The following SUMF1 variants were observed in gnomAD, a reference collection of about 807,000 sequenced individuals.
SUMF1 encodes formylglycine-generating enzyme.
A neutral mutation model predicts 47.6 loss-of-function variants in SUMF1; 48 were observed. That is an observed-to-expected ratio of 1.01 (90% confidence interval 0.80 to 1.28). The LOEUF (loss-of-function observed/expected upper bound fraction) is 1.28. SUMF1 is among the 50% of genes most tolerant of loss of function. SUMF1 has a pLI of 0.00. For synonymous variants in SUMF1, 230 were observed against 192.1 expected (o/e 1.20, Z -1.63); for missense variants, 571 against 485.4 (o/e 1.18, Z -1.66).
intron 3 of SUMF1, among the ~76,000 whole-genome samples, chr3:4,428,359 CTT>C (rs58545153): frequency 2.0e-5 from 3 of 148,922 alleles, no homozygotes; most frequent in Non-Finnish European, 4.5e-5. Context: ...CTTCTTGTGC[CTT>C]TTTTTTTCTG....
At chr3:4,048,943 A>T (rs936841839) in intron 9 of SUMF1, among the ~76,000 whole-genome samples, 1 of 152,116 alleles carries the variant, frequency 6.6e-6, no homozygotes, top group African/African-American at 2.4e-5. Flanking sequence ...TACCATTTGA[A>T]ACTCTGTAAC....
chr3:4,440,916 T>C (rs1200435870), intron 3 of SUMF1, among the ~76,000 whole-genome samples: 1 of 152,218 alleles, frequency 6.6e-6, no homozygotes, highest in Non-Finnish European at 1.5e-5. Flanking sequence ...CGAGTCATAT[T>C]AATAACACAA....
chr3:4,262,469 C>CA (rs1394758638), intron 8 of SUMF1, among the ~76,000 whole-genome samples: 2 of 151,952 alleles, frequency 1.3e-5, no homozygotes, highest in Non-Finnish European at 2.9e-5. Flanking sequence ...TAGACAAAAC[C>CA]AAAAAATCCA....
intron 8 of SUMF1, among the ~76,000 whole-genome samples, chr3:4,339,910 C>T (rs1165986149): frequency 1.3e-5 from 2 of 152,130 alleles, no homozygotes; most frequent in African/African-American, 4.8e-5. Flanking sequence ...AACCCCACCT[C>T]TACAAAAAAT....
intron 8 of SUMF1, among the ~76,000 whole-genome samples, chr3:4,370,046 G>A (rs996470685): frequency 1.6e-4 from 25 of 152,296 alleles, no homozygotes; most frequent in African/African-American, 3.6e-4. Context: ...TAAATAAACC[G>A]ATACATTCAA....
intron 8 of SUMF1, among the ~76,000 whole-genome samples, chr3:4,334,610 C>G (rs1397869063): frequency 6.6e-6 from 1 of 152,170 alleles, no homozygotes; most frequent in Non-Finnish European, 1.5e-5. Context: ...TCAAAAGCTT[C>G]CCAAGGAAAG....
At chr3:4,223,007 G>A (rs770924111) in intron 8 of SUMF1, among the ~76,000 whole-genome samples, 5 of 152,022 alleles carry the variant, frequency 3.3e-5, no homozygotes, top group Non-Finnish European at 7.4e-5. Context: ...GTGACAGTGT[G>A]GTAAAGGGGA....
At chr3:4,266,045 T>C (rs1697187608) in intron 8 of SUMF1, among the ~76,000 whole-genome samples, 4 of 152,348 alleles carry the variant, frequency 2.6e-5, no homozygotes, top group South Asian at 4.1e-4. Context: ...GTTGTAGACA[T>C]GCGGCGTTAT....
chr3:4,226,260 G>GTTTCTTTTTTTTTTTTTTTTTTTTTTTTT (rs1397464187), intron 8 of SUMF1, among the ~76,000 whole-genome samples: 1 of 110,718 alleles, frequency 9.0e-6, no homozygotes, highest in Admixed American at 9.4e-5. Context: ...TTTTTTTTTT[G>GTTTCTTTTTTTTTTTTTTTTTTTTTTTTT]TTTCTTTTTT....
chr3:4,214,438 C>T (rs896185066), intron 8 of SUMF1, among the ~76,000 whole-genome samples: 3 of 152,030 alleles, frequency 2.0e-5, no homozygotes, highest in East Asian at 3.8e-4. Context: ...GCACTAAATG[C>T]CCACAAGAGA....
At chr3:4,186,789 C>T (rs1301311319) in intron 8 of SUMF1, among the ~76,000 whole-genome samples, 1 of 152,000 alleles carries the variant, frequency 6.6e-6, no homozygotes, top group Non-Finnish European at 1.5e-5. Context: ...AGTTCAATTG[C>T]CCTTTTGTGT....
chr3:4,218,005 G>A (rs1017748502), intron 8 of SUMF1, among the ~76,000 whole-genome samples: 4 of 151,970 alleles, frequency 2.6e-5, no homozygotes, highest in East Asian at 1.9e-4. Flanking sequence ...CATGTTATTC[G>A]CTTAATTCGA....
intron 8 of SUMF1, among the ~76,000 whole-genome samples, chr3:4,078,193 C>A (rs1015539357): frequency 6.6e-6 from 1 of 152,070 alleles, no homozygotes; most frequent in Non-Finnish European, 1.5e-5. Flanking sequence ...GCAATCTGAG[C>A]AGGCATACAA....
intron 8 of SUMF1, among the ~76,000 whole-genome samples, chr3:4,214,474 C>T (rs1695872354): frequency 6.6e-6 from 1 of 152,108 alleles, no homozygotes; most frequent in Non-Finnish European, 1.5e-5. Flanking sequence ...AAAATTGACA[C>T]CCTAACATCG....
chr3:4,158,292 A>C (rs1694499153), intron 8 of SUMF1, among the ~76,000 whole-genome samples: 1 of 151,580 alleles, frequency 6.6e-6, no homozygotes. Flanking sequence ...GTTTTATTTC[A>C]TTGTGTTCAG....
intron 3 of SUMF1, among the ~76,000 whole-genome samples, chr3:4,421,206 C>T (rs532629871): frequency 3.3e-5 from 5 of 152,274 alleles, no homozygotes; most frequent in East Asian, 1.9e-4. Flanking sequence ...CTGCTGTTCA[C>T]GGTGTGACCC....
At position 4,163,258 on chromosome 3, in the gene SUMF1, T is replaced by G. The variant is rs73809336; in HGVS notation, c.1015-94513A>C. Among the ~76,000 whole-genome samples the G allele has an allele frequency of 6.5e-3, 972 of 150,644 alleles. 20 individuals carry two copies. Among genetic ancestry groups the G allele is most frequent in the African/African-American group, 0.023 (932 of 40,908 alleles). The stretch of plus-strand genomic sequence containing the variant: ...AAACAAAAACACTCCAACAACCAAT[T>G]ATCTCTCCTTGTTTTTATTGTACCA... On this transcript the variant is annotated intron_variant and NMD_transcript_variant, in intron 8 of 12. Coordinates refer to the SUMF1 transcript ENST00000448413.
intron 8 of SUMF1, among the ~76,000 whole-genome samples, chr3:4,353,466 A>G (rs376556121): frequency 8.5e-5 from 13 of 152,120 alleles, no homozygotes; most frequent in African/African-American, 2.4e-4. Context: ...GTTAGCCAGG[A>G]TGGTCTCGAT....
chr3:4,295,357 A>T (rs1192645325), intron 8 of SUMF1, among the ~76,000 whole-genome samples: 2 of 151,770 alleles, frequency 1.3e-5, no homozygotes, highest in African/African-American at 4.8e-5. Context: ...ATCTGGGCTT[A>T]GAATGTTTTT....
Sources: gnomAD v4.1 joint callset for allele counts (sites outside exome capture counted in the v4.1 genomes callset) on GRCh38, gnomAD v4.1.1 for gene constraint, MANE v1.5 for transcripts, NCBI Gene and HGNC (gene_info 2026-07-23, HGNC 2026-07-21) for gene names.